Variants in MAGI2 observed in about 807,000 individuals in gnomAD.
The protein encoded by MAGI2 is membrane-associated guanylate kinase, WW and PDZ domain-containing protein 2.
MAGI2 carries 35 observed loss-of-function variants against 133.3 expected under a neutral mutation model. That is an observed-to-expected ratio of 0.26 (90% CI 0.20 to 0.35). The LOEUF (loss-of-function observed/expected upper bound fraction) is 0.35, where lower values mean the gene tolerates loss of function less well. MAGI2 is among the 10% of genes least tolerant of loss of function. The pLI is 1.00. For missense variants in MAGI2, 1,636 were observed against 1,863.4 expected (o/e 0.88, Z 2.25); for synonymous variants, 729 against 710.6 (o/e 1.03, Z -0.41).
At chr7:79,099,636 C>A (rs1410914290) in intron 1 of MAGI2, among the ~76,000 whole-genome samples, 10 of 152,100 alleles carry the variant, frequency 6.6e-5, no homozygotes, top group Admixed American at 1.3e-4. Flanking sequence ...TCTCCCTTCA[C>A]CCTTAAGTAG....
At chr7:78,885,723 CTATAA>C (rs551037245) in intron 2 of MAGI2, among the ~76,000 whole-genome samples, 203 of 151,596 alleles carry the variant, frequency 1.3e-3, no homozygotes, top group South Asian at 7.7e-3. Flanking sequence ...TTTTAATTTA[CTATAA>C]TATATTTTGA....
chr7:79,111,568 G>GA (rs1240551074), intron 1 of MAGI2, among the ~76,000 whole-genome samples: 1 of 152,128 alleles, frequency 6.6e-6, no homozygotes, highest in Admixed American at 6.6e-5. Flanking sequence ...GTAATACTCG[G>GA]AAAAAATATA....
At chr7:78,559,597 T>C (rs1800204981) in intron 3 of MAGI2, among the ~76,000 whole-genome samples, 1 of 152,096 alleles carries the variant, frequency 6.6e-6, no homozygotes. Flanking sequence ...AAGCTTAAAA[T>C]TGTCCTGCTG....
At chr7:78,067,433 A>G (rs145115710) in intron 21 of MAGI2, among the ~76,000 whole-genome samples, 19 of 152,354 alleles carry the variant, frequency 1.2e-4, no homozygotes, top group African/African-American at 4.3e-4. Context: ...ATTAATGCAT[A>G]CATTATGAGT....
intron 13 of MAGI2, among the ~76,000 whole-genome samples, chr7:78,178,472 T>C (rs1474922887): frequency 6.6e-6 from 1 of 152,076 alleles, no homozygotes; most frequent in Non-Finnish European, 1.5e-5. Context: ...ATTAGAACAA[T>C]TATTGCGCAA....
At chr7:78,610,357 G>A (rs1157116787) in intron 3 of MAGI2, among the ~76,000 whole-genome samples, 2 of 152,188 alleles carry the variant, frequency 1.3e-5, no homozygotes, top group African/African-American at 4.8e-5. Context: ...AGAGTTGGCT[G>A]TGTGGACAGA....
intron 1 of MAGI2, among the ~76,000 whole-genome samples, chr7:79,371,766 A>G (rs967856728): frequency 6.6e-6 from 1 of 152,090 alleles, no homozygotes. Flanking sequence ...AGAATTTTTG[A>G]GTGCTTATAG....
intron 1 of MAGI2, among the ~76,000 whole-genome samples, chr7:79,364,803 A>C (rs1332706698): frequency 3.3e-5 from 5 of 152,052 alleles, no homozygotes; most frequent in Non-Finnish European, 1.5e-5. Context: ...TATATGTAAA[A>C]TATAAAACAA....
intron 3 of MAGI2, among the ~76,000 whole-genome samples, chr7:78,578,663 G>A (rs931269664): frequency 6.6e-6 from 1 of 152,080 alleles, no homozygotes; most frequent in Non-Finnish European, 1.5e-5. Flanking sequence ...AAGGAGGACT[G>A]CTTTGAAGAT....
At chr7:78,498,152 C>CA (rs1451658162) in intron 5 of MAGI2, among the ~76,000 whole-genome samples, 2 of 151,414 alleles carry the variant, frequency 1.3e-5, no homozygotes, top group East Asian at 4.0e-4. Context: ...GTTCTCAACA[C>CA]AAAAAACGAC....
intron 2 of MAGI2, among the ~76,000 whole-genome samples, chr7:78,848,611 T>C (rs568464457): frequency 6.6e-6 from 1 of 152,094 alleles, no homozygotes; most frequent in South Asian, 2.1e-4. Flanking sequence ...TCTCCTCTCC[T>C]ACAATCCTGT....
chr7:78,922,266 TG>T (rs1460656225), intron 2 of MAGI2, among the ~76,000 whole-genome samples: 1 of 151,912 alleles, frequency 6.6e-6, no homozygotes, highest in Non-Finnish European at 1.5e-5. Context: ...TATGTATACA[TG>T]TGCCATGCTG....
intron 21 of MAGI2, among the ~76,000 whole-genome samples, chr7:78,070,440 ATGTGTATATATATGTGTGTGTATATATG>A (rs1814475016): frequency 1.4e-5 from 2 of 147,070 alleles, no homozygotes; most frequent in Non-Finnish European, 3.0e-5. Flanking sequence ...GTATATATAT[ATGTGTATATATATGTGTGTGTATATATG>A]TGTGTATATA....
chr7:78,933,762 T>C (rs556589440), intron 2 of MAGI2, among the ~76,000 whole-genome samples: 1 of 152,220 alleles, frequency 6.6e-6, no homozygotes, highest in South Asian at 2.1e-4. Context: ...TGTGCATTCA[T>C]AAGAGAACAA....
intron 6 of MAGI2, among the ~76,000 whole-genome samples, chr7:78,375,227 T>C (rs1398130683): frequency 1.3e-5 from 2 of 152,160 alleles, no homozygotes; most frequent in Non-Finnish European, 1.5e-5. Context: ...TTTGTTGTCT[T>C]TCTGCTCCCT....
At chr7:78,900,069 G>A (rs1355845286) in intron 2 of MAGI2, among the ~76,000 whole-genome samples, 1 of 152,060 alleles carries the variant, frequency 6.6e-6, no homozygotes, top group East Asian at 1.9e-4. Context: ...TTTGAAAGGA[G>A]CCTCTTTGCT....
At chr7:78,325,817 T>G (rs798305) in intron 9 of MAGI2, among the ~76,000 whole-genome samples, 106,168 of 152,146 alleles carry the variant, frequency 0.7, 37,611 homozygotes, top group African/African-American at 0.8. Context: ...CTAGAAGGGA[T>G]GAGTCTGGAG....
intron 2 of MAGI2, among the ~76,000 whole-genome samples, chr7:78,659,373 C>T (rs1437767832): frequency 3.0e-5 from 4 of 132,458 alleles, no homozygotes; most frequent in East Asian, 2.2e-4. Context: ...TGCAGTGAGC[C>T]GAGATCGTGC....
chr7:78,881,211 A>G (rs1032681555), intron 2 of MAGI2, among the ~76,000 whole-genome samples: 1 of 152,138 alleles, frequency 6.6e-6, no homozygotes, highest in African/African-American at 2.4e-5. Context: ...TTGACATTTG[A>G]TGAATTGGAC....
Sources: allele counts gnomAD v4.1 joint callset (sites outside exome capture counted in the v4.1 genomes callset), GRCh38; gene constraint gnomAD v4.1.1; transcripts MANE v1.5; gene names NCBI Gene and HGNC (gene_info 2026-07-23, HGNC 2026-07-21).